PEX2: variants seen among roughly 807,000 people sequenced by gnomAD.
The protein encoded by PEX2 is peroxisomal biogenesis factor 2, also known as peroxisome biogenesis factor 2.
A neutral mutation model predicts 25.2 loss-of-function variants in PEX2; 19 were observed. The observed-to-expected ratio is 0.75, with a 90% confidence interval of 0.53 to 1.10. The LOEUF (loss-of-function observed/expected upper bound fraction) is 1.10, where lower values mean the gene tolerates loss of function less well. Ranked by LOEUF, PEX2 falls within the 50% of genes least tolerant of loss-of-function variation. The pLI is 0.00. For missense variants in PEX2, 347 were observed against 350.6 expected, an observed-to-expected ratio of 0.99 and a Z score of 0.08; for synonymous variants, 141 against 127.7, an observed-to-expected ratio of 1.10 and a Z score of -0.70.
At chr8:76,994,039 T>C (rs1339650033) in intron 1 of PEX2, among the ~76,000 whole-genome samples, 13 of 151,044 alleles carry the variant, frequency 8.6e-5, no homozygotes, top group Non-Finnish European at 1.6e-4. Context: ...CACATAAATA[T>C]GTTTAAGACA....
intron 1 of PEX2, among the ~76,000 whole-genome samples, chr8:76,994,981 G>A (rs1044477040): frequency 1.3e-5 from 2 of 152,104 alleles, no homozygotes; most frequent in South Asian, 2.1e-4. Flanking sequence ...TAAATGGGAC[G>A]TGCATCAAAG....
Position 76,983,782 on chromosome 8 carries a change from C to CAAATGATGCT in PEX2, c.387_396dup (p.Gly133SerfsTer24), listed in dbSNP as rs2132044079. 9.3e-6 allele frequency: 15 copies of CAAATGATGCT among 1,614,092 alleles called. No homozygotes were observed. Among genetic ancestry groups the CAAATGATGCT allele is most frequent in the Non-Finnish European group, 1.3e-5 (15 of 1,180,040 alleles). ...AAATTCACACACTGCTTGACTTTCC[C>CAAATGATGCT]AAATGATGCTAAATGATGGTTTCGA... On this transcript the variant is annotated frameshift_variant, in exon 4 of 4. Coordinates refer to ENST00000357039, the MANE Select transcript of PEX2 (RefSeq NM_000318.3). LOFTEE classifies it high-confidence loss of function.
At position 76,982,884 on chromosome 8, in the gene PEX2, A is replaced by G. The variant is rs1290928494; in HGVS notation, c.*377T>C. On this transcript the variant is annotated 3_prime_UTR_variant, in exon 4 of 4. Coordinates refer to ENST00000357039, the MANE Select transcript of PEX2 (RefSeq NM_000318.3). ...ACAGTCTCATAATTGTCACATTATC[A>G]TATTATGTCAACTCTGAAAATAAAT... 1.1e-5 allele frequency: 3 copies of G among 271,866 alleles called. No homozygotes were observed. The highest frequency in any genetic ancestry group is 2.3e-5 in the African/African-American group (1 of 43,712). 16.8% of individuals were successfully genotyped at this position (271,866 alleles called of 1,614,324 possible).
intron 1 of PEX2, among the ~76,000 whole-genome samples, chr8:76,997,877 A>G (rs993291374): frequency 6.6e-6 from 1 of 152,196 alleles, no homozygotes; most frequent in Admixed American, 6.5e-5. Flanking sequence ...TAAAGAAACT[A>G]CAGGGCTGGG....
In PEX2 at chr8:76,980,794, A is replaced by G. The variant is rs1482527688; in HGVS notation, c.*2467T>C. The G allele has an allele frequency of 6.6e-6, 1 of 152,310 alleles. No homozygotes were observed. The highest frequency in any genetic ancestry group is 2.1e-4 in the South Asian group (1 of 4,820). 9.4% of individuals were successfully genotyped at this position (152,310 alleles called of 1,614,324 possible). A position where few individuals can be genotyped will look rare whatever the true frequency, so the allele number is the denominator to read the frequency against. On this transcript the variant is annotated 3_prime_UTR_variant, in exon 4 of 4. Coordinates refer to ENST00000357039, the MANE Select transcript of PEX2 (RefSeq NM_000318.3). The stretch of plus-strand genomic sequence containing the variant: ...AAGGAAAGCACTACTATTATATTCT[A>G]TTTACTATGTGTCAGGCATTGTTTT...
chr8:76,983,349 T>G lies in PEX2; in HGVS notation c.830A>C (p.Tyr277Ser). The G allele has an allele frequency of 6.2e-7, 1 of 1,614,080 alleles. No individual in the cohort carries two copies. The highest frequency in any genetic ancestry group is 8.5e-7 in the Non-Finnish European group (1 of 1,180,012). The change falls in exon 4 of 4, where the codon TAC becomes TCC. Residue 277 changes from tyrosine to serine, a missense_variant. Coordinates refer to ENST00000357039, the MANE Select transcript of PEX2 (RefSeq NM_000318.3). ...TGTGCCACACTTAGGACAAGTAAAG[T>G]ACACGTCAAATAAGAAACTACTCTT... ...CAKSSFLFDV[Y>S]FTCPKCGTEV...
At chr8:76,984,281 A>G in intron 3 of PEX2, 86 bp from the exon 4 acceptor site, 1 of 1,035,296 alleles carries the variant, frequency 9.7e-7, no homozygotes. Context: ...ACTGTCATAC[A>G]CAAATTACAC....
intron 3 of PEX2, among the ~76,000 whole-genome samples, chr8:76,985,624 A>G (rs1159971388): frequency 3.3e-5 from 5 of 152,112 alleles, no homozygotes; most frequent in African/African-American, 2.4e-5. Context: ...AAGCTAGGGG[A>G]AAAAAACACA....
intron 1 of PEX2, among the ~76,000 whole-genome samples, chr8:76,992,515 T>C (rs1052145541): frequency 2.0e-5 from 3 of 152,138 alleles, no homozygotes; most frequent in Non-Finnish European, 2.9e-5. Context: ...TAGAAGAAAA[T>C]GATGAAATCA....
intron 1 of PEX2, among the ~76,000 whole-genome samples, chr8:76,988,928 C>T (rs1390334986): frequency 6.6e-6 from 1 of 150,910 alleles, no homozygotes; most frequent in Non-Finnish European, 1.5e-5. Flanking sequence ...TGCAGTGGCT[C>T]ATGCCTATAA....
intron 2 of PEX2, among the ~76,000 whole-genome samples, chr8:76,987,206 T>C (rs1807030387): frequency 1.3e-5 from 2 of 152,198 alleles, no homozygotes; most frequent in African/African-American, 4.8e-5. Flanking sequence ...AGGTGTGCTA[T>C]ATAAAATAAA....
rs986786339 is a variant in PEX2 at position 76,986,250 on chromosome 8, T to C, written c.-81A>G. ...CCTATAGCTATGACAGTGGGAATTT[T>C]TGCTCCAAGTTCTTCTGTGAAATCC... On this transcript the variant is annotated 5_prime_UTR_variant, in exon 3 of 4. Transcript: ENST00000357039. 1 of 152,182 alleles carries C rather than the reference T, an allele frequency of 6.6e-6. No individual in the cohort carries two copies. Among genetic ancestry groups the C allele is most frequent in the Non-Finnish European group, 1.5e-5 (1 of 68,040 alleles). The allele number at this position is 152,182 out of a possible 1,614,324, so 9.4% of individuals were successfully genotyped here.
chr8:76,985,122 T>C (rs1806966854), intron 3 of PEX2, among the ~76,000 whole-genome samples: 1 of 150,044 alleles, frequency 6.7e-6, no homozygotes, highest in Non-Finnish European at 1.5e-5. Context: ...TAATCCAGTA[T>C]ATAGACCAGT....
chr8:76,988,506 A>T (rs1454860252), intron 1 of PEX2, among the ~76,000 whole-genome samples, 168 bp from the exon 2 acceptor site: 1 of 152,236 alleles, frequency 6.6e-6, no homozygotes, highest in Non-Finnish European at 1.5e-5. Context: ...ATTGCTAAAA[A>T]ATGCTAACAA....
Position 76,984,020 on chromosome 8 carries a change from C to T in PEX2, c.159G>A (p.Glu53=), listed in dbSNP as rs1313362967. Residue 53 remains glutamate, a synonymous_variant, in exon 4 of 4, where the codon GAG becomes GAA. Transcript: ENST00000357039. ...GFKPGLLARF[E]PEVKACLWVF... ...CCCATAAGCACGCTTTCACCTCTGG[C>T]TCAAAGCGAGCTAACAGCCCAGGTT... The T allele has an allele frequency of 1.2e-6, 2 of 1,613,680 alleles. No homozygotes were observed. The highest frequency in any genetic ancestry group is 2.7e-5 in the African/African-American group (2 of 74,990).
At position 76,982,968 on chromosome 8, in the gene PEX2, A is replaced by T. The variant is rs981073007; in HGVS notation, c.*293T>A. 1.0e-5 allele frequency: 6 copies of T among 578,436 alleles called. No homozygotes were observed. Among genetic ancestry groups the T allele is most frequent in the South Asian group, 5.2e-5 (2 of 38,416 alleles). 35.8% of individuals were successfully genotyped at this position (578,436 alleles called of 1,614,324 possible). On this transcript the variant is annotated 3_prime_UTR_variant, in exon 4 of 4. Coordinates refer to ENST00000357039, the MANE Select transcript of PEX2 (RefSeq NM_000318.3). ...CTTTAGAATCCAACCTTGTTTTAAG[A>T]AGTAGTAAAATGAAGGAGCATTGTT... is the stretch of plus-strand genomic sequence containing the variant.
intron 1 of PEX2, 99 bp downstream of exon 1, chr8:76,999,891 A>T: frequency 2.2e-6 from 1 of 456,612 alleles, no homozygotes; most frequent in South Asian, 1.5e-5. Flanking sequence ...GGGAAAAAAA[A>T]GCAAACGGCG....
intron 1 of PEX2, among the ~76,000 whole-genome samples, chr8:76,994,167 G>T (rs1267960544): frequency 6.6e-6 from 1 of 152,100 alleles, no homozygotes; most frequent in East Asian, 1.9e-4. Flanking sequence ...ACTAAGAGCA[G>T]CAATATATAA....
Position 77,000,021 on chromosome 8 carries a change from G to C in PEX2, c.-191C>G, listed in dbSNP as rs1403083724. 2 of 451,888 alleles carry C rather than the reference G, an allele frequency of 4.4e-6. No individual in the cohort carries two copies. The highest frequency in any genetic ancestry group is 2.4e-5 in the Admixed American group (1 of 41,830). 28.0% of individuals were successfully genotyped at this position (451,888 alleles called of 1,614,324 possible). A position where few individuals can be genotyped will look rare whatever the true frequency, so the allele number is the denominator to read the frequency against. On this transcript the variant is annotated 5_prime_UTR_variant, in exon 1 of 4. Transcript: ENST00000357039. ...AGTCTGCGAAACGCCCACGCTCCAC[G>C]TAACTTTCTCTGAAACATTCTCTGG...
Sources: allele counts gnomAD v4.1 joint callset (sites outside exome capture counted in the v4.1 genomes callset), GRCh38; gene constraint gnomAD v4.1.1; transcripts MANE v1.5; gene names NCBI Gene and HGNC (gene_info 2026-07-23, HGNC 2026-07-21).